Variants in SART3 observed in about 807,000 individuals in gnomAD.
SART3 encodes the protein HIV-1 Tat-interacting protein of 110kDa.
SART3 carries 44 observed loss-of-function variants against 122.3 expected under a neutral mutation model. That is an observed-to-expected ratio of 0.36 (90% CI 0.28 to 0.46). The LOEUF is 0.46. SART3 is among the 20% of genes least tolerant of loss of function. SART3 has a pLI of 1.00. For synonymous variants in SART3, 442 were observed against 454.0 expected (o/e 0.97, Z 0.34); for missense variants, 1,101 against 1,229.0 (o/e 0.90, Z 1.56).
At chr12:108,550,228 A>C (rs1313798776) in intron 1 of SART3, among the ~76,000 whole-genome samples, 1 of 152,186 alleles carries the variant, frequency 6.6e-6, no homozygotes, top group East Asian at 1.9e-4. Context: ...AGAATAGCTA[A>C]AGGAAGTTCT....
chr12:108,545,936 C>A (rs1418740525), intron 3 of SART3, among the ~76,000 whole-genome samples: 1 of 144,914 alleles, frequency 6.9e-6, no homozygotes, highest in Non-Finnish European at 1.5e-5. Flanking sequence ...CCACTGCACT[C>A]CAGCCTAAGC....
At chr12:108,545,542 A>G (rs554690780) in intron 3 of SART3, among the ~76,000 whole-genome samples, 6 of 152,304 alleles carry the variant, frequency 3.9e-5, no homozygotes, top group Non-Finnish European at 8.8e-5. Context: ...GCTATTAACA[A>G]TGCCTGTGAG....
rs77887261 is a variant in SART3, at chr12:108,536,790, C to G, written c.1310-5G>C. On this transcript the variant is annotated splice_polypyrimidine_tract_variant and splice_region_variant and intron_variant, in intron 9 of 18. Transcript: ENST00000546815. ...CCTCCAGCTCTTTACTGGAGTCTAA[C>G]GGAAAGTGCAAAAAAAGGCTTTAGG... 14 of 1,613,272 alleles carry G rather than the reference C, an allele frequency of 8.7e-6. No homozygotes were observed. In the African/African-American group the frequency reaches 9.4e-5, roughly 11 times the overall value.
At chr12:108,526,959 G>C (rs530420368) in intron 15 of SART3, among the ~76,000 whole-genome samples, 1 of 152,310 alleles carries the variant, frequency 6.6e-6, no homozygotes, top group South Asian at 2.1e-4. Context: ...CCGTGCCCCA[G>C]GGAGCACATT....
rs369710272 is a variant in SART3 at position 108,524,212 on chromosome 12, T to A, written c.2714+104A>T. On this transcript the variant is annotated intron_variant, in intron 18 of 18. Transcript: ENST00000546815. The stretch of plus-strand genomic sequence containing the variant: ...AAGGAACAGCACATCTTGGCTTTTC[T>A]GTCCTAACAGGAAGCTAATTCATCC... The A allele has an allele frequency of 8.4e-5, 85 of 1,013,508 alleles. No individual in the cohort carries two copies. In the East Asian group the frequency reaches 1.8e-3, roughly 22 times the overall value. 62.8% of individuals were successfully genotyped at this position (1,013,508 alleles called of 1,614,324 possible).
chr12:108,524,573 G>A, intron 17 of SART3, 67 bp from the exon 18 acceptor site: 1 of 1,461,612 alleles, frequency 6.8e-7, no homozygotes, highest in African/African-American at 1.4e-5. Flanking sequence ...CCTCCTGCAG[G>A]GCAGGCACTG....
chr12:108,553,905 C>A (rs890912418), intron 1 of SART3, among the ~76,000 whole-genome samples: 2 of 152,190 alleles, frequency 1.3e-5, no homozygotes, highest in Non-Finnish European at 2.9e-5. Flanking sequence ...CAAATCCCTG[C>A]CTCATGTGCA....
intron 6 of SART3, among the ~76,000 whole-genome samples, chr12:108,540,302 G>C (rs1018210255): frequency 6.6e-6 from 1 of 152,206 alleles, no homozygotes; most frequent in Non-Finnish European, 1.5e-5. Flanking sequence ...GAATTCTTTT[G>C]CTGTTGTCGG....
chr12:108,542,753 G>A (rs1259609439), intron 6 of SART3: 5 of 522,532 alleles, frequency 9.6e-6, no homozygotes, highest in Non-Finnish European at 1.8e-5. Context: ...CATCACAAAA[G>A]TCAGGAAAGT....
chr12:108,555,734 TA>T (rs2030193364), intron 1 of SART3, among the ~76,000 whole-genome samples: 1 of 152,180 alleles, frequency 6.6e-6, no homozygotes, highest in African/African-American at 2.4e-5. Flanking sequence ...GAATAATCAT[TA>T]TGGCAAAGAC....
intron 1 of SART3, among the ~76,000 whole-genome samples, chr12:108,556,059 T>G (rs2030208415): frequency 1.3e-5 from 2 of 151,624 alleles, no homozygotes; most frequent in African/African-American, 4.8e-5. Flanking sequence ...AACCTATGAC[T>G]ATGACCCCCA....
chr12:108,552,148 T>G (rs2030033314), intron 1 of SART3, among the ~76,000 whole-genome samples: 3 of 151,874 alleles, frequency 2.0e-5, no homozygotes, highest in Admixed American at 2.0e-4. Context: ...CAACAACGAT[T>G]CATGGTTAAA....
At chr12:108,524,530 C>G (rs1438145843) in intron 17 of SART3, 24 bp from the exon 18 acceptor site, 12 of 1,611,784 alleles carry the variant, frequency 7.4e-6, no homozygotes, top group Non-Finnish European at 1.0e-5. Context: ...GATCCAGAAC[C>G]AAGTCAGATC....
Position 108,526,403 on chromosome 12 carries a change from T to C in SART3, c.2066A>G (p.Lys689Arg). The change falls in exon 16 of 19, where the codon AAG becomes AGG. Residue 689 changes from lysine to arginine, a missense_variant. Transcript: ENST00000546815. ...SKQKEKAASL[K>R]RDMPKVLHDS... ...GTGCAGCACCTTGGGCATGTCCCTC[T>C]TCAGGGAGGCTGCCTTCTCCTTCTG... 1 of 1,614,140 alleles carries C rather than the reference T, an allele frequency of 6.2e-7. No individual in the cohort carries two copies. Among genetic ancestry groups the C allele is most frequent in the Non-Finnish European group, 8.5e-7 (1 of 1,179,996 alleles).
chr12:108,551,326 G>A (rs1477433046), intron 1 of SART3, among the ~76,000 whole-genome samples: 1 of 152,136 alleles, frequency 6.6e-6, no homozygotes, highest in Non-Finnish European at 1.5e-5. Flanking sequence ...ACCAAAGAGC[G>A]CTTGAAAATT....
intron 3 of SART3, among the ~76,000 whole-genome samples, chr12:108,547,153 C>T (rs1873464149): frequency 6.6e-6 from 1 of 152,220 alleles, no homozygotes; most frequent in Non-Finnish European, 1.5e-5. Context: ...TTGTCCACAG[C>T]ATTGTCTGAT....
At chr12:108,539,159 AATT>A (rs1873047719) in intron 6 of SART3, 70 bp from the exon 7 acceptor site, 3 of 1,567,576 alleles carry the variant, frequency 1.9e-6, no homozygotes, top group Non-Finnish European at 2.6e-6. Context: ...AAATAAAATA[AATT>A]TTGGCAAAAC....
intron 15 of SART3, among the ~76,000 whole-genome samples, chr12:108,527,838 T>G (rs1872461778): frequency 6.6e-6 from 1 of 152,188 alleles, no homozygotes; most frequent in African/African-American, 2.4e-5. Context: ...TGATCTCTAC[T>G]CATTGCAACC....
At chr12:108,544,295 A>G in intron 5 of SART3, 132 bp downstream of exon 5, 1 of 846,168 alleles carries the variant, frequency 1.2e-6, no homozygotes, top group Non-Finnish European at 2.1e-6. Flanking sequence ...CAAAGAGACA[A>G]TATCCAAGGA....
Sources: allele counts gnomAD v4.1 joint callset (sites outside exome capture counted in the v4.1 genomes callset), GRCh38; gene constraint gnomAD v4.1.1; transcripts MANE v1.5; gene names NCBI Gene and HGNC (gene_info 2026-07-23, HGNC 2026-07-21).